The following FRMD6 variants were observed in gnomAD, a reference collection of about 807,000 sequenced individuals.
FRMD6 encodes the protein FERM domain-containing protein 6.
A neutral mutation model predicts 73.2 loss-of-function variants in FRMD6; 37 were observed. That is an observed-to-expected ratio of 0.51 (90% CI 0.39 to 0.66). The LOEUF (loss-of-function observed/expected upper bound fraction) is 0.66. FRMD6 is among the 30% of genes least tolerant of loss of function. The probability of loss-of-function intolerance (pLI) is 0.00; values close to 1 mark genes in which losing one functional copy is unlikely to be tolerated. For synonymous variants in FRMD6, 273 were observed against 282.2 expected, an observed-to-expected ratio of 0.97 and a Z score of 0.33; for missense variants, 714 against 780.5, an observed-to-expected ratio of 0.91 and a Z score of 1.02.
chr14:51,504,388 T>C (rs998508465), intron 1 of FRMD6, among the ~76,000 whole-genome samples: 64 of 152,204 alleles, frequency 4.2e-4, no homozygotes, highest in African/African-American at 1.5e-3. Context: ...TTGGGAGGTC[T>C]CACCCAGTCA....
chr14:51,592,775 T>C (rs1889470052), intron 2 of FRMD6, among the ~76,000 whole-genome samples: 1 of 152,246 alleles, frequency 6.6e-6, no homozygotes, highest in Non-Finnish European at 1.5e-5. Flanking sequence ...TTTTAATCTG[T>C]ATGTACATAT....
chr14:51,499,567 G>A (rs925870623), intron 1 of FRMD6, among the ~76,000 whole-genome samples: 5 of 152,208 alleles, frequency 3.3e-5, no homozygotes, highest in African/African-American at 7.2e-5. Context: ...CAGCAAATAA[G>A]ACGTGGAGTA....
chr14:51,431,466 T>C, the FRMD6 span, among the ~76,000 whole-genome samples: 1 of 152,238 alleles, frequency 6.6e-6, no homozygotes, highest in Non-Finnish European at 1.5e-5. Context: ...TTGAAACATT[T>C]TTGTTTACAT....
the FRMD6 span, among the ~76,000 whole-genome samples, chr14:51,428,847 G>A: frequency 2.0e-5 from 3 of 151,850 alleles, no homozygotes; most frequent in Non-Finnish European, 4.4e-5. Context: ...GTTTCTATCA[G>A]TTTCTTGAGC....
rs544882479 is a variant in FRMD6 at position 51,504,948 on chromosome 14, G to A, written c.-210+15528G>A. Reference sequence around the variant, plus strand: ...CAGCCAGCCAACAGCATGGCACAGCGCCATGCTCCTATTCCTTCTCAGGTC... The same window carrying A: ...CAGCCAGCCAACAGCATGGCACAGCACCATGCTCCTATTCCTTCTCAGGTC... On this transcript the variant is annotated intron_variant, in intron 1 of 14. Transcript: ENST00000356218. Among the ~76,000 whole-genome samples the A allele has an allele frequency of 9.8e-5, 15 of 152,302 alleles. No individual in the cohort carries two copies. The East Asian group carries it at 1.7e-3, about 18-fold the overall frequency.
chr14:51,439,389 C>A, the FRMD6 span, among the ~76,000 whole-genome samples: 1 of 152,126 alleles, frequency 6.6e-6, no homozygotes, highest in Non-Finnish European at 1.5e-5. Flanking sequence ...AAGAGATAAG[C>A]CAAAGAGACA....
At chr14:51,719,912 C>G (rs1409024162) in intron 10 of FRMD6, 143 bp from the exon 11 acceptor site, 5 of 649,054 alleles carry the variant, frequency 7.7e-6, no homozygotes, top group Non-Finnish European at 1.3e-5. Flanking sequence ...CTTCTGAAGT[C>G]AAATTCCTAT....
the FRMD6 span, among the ~76,000 whole-genome samples, chr14:51,398,149 C>T: frequency 1.3e-5 from 2 of 152,276 alleles, no homozygotes; most frequent in Admixed American, 6.5e-5. Context: ...GAAGATTTTC[C>T]TCTCAGCATT....
the FRMD6 span, among the ~76,000 whole-genome samples, chr14:51,437,649 G>A: frequency 6.6e-6 from 1 of 152,194 alleles, no homozygotes; most frequent in African/African-American, 2.4e-5. Context: ...GGAGCAAGTT[G>A]CAGTCTTCCT....
the FRMD6 span, among the ~76,000 whole-genome samples, chr14:51,478,348 C>T: frequency 3.9e-5 from 6 of 152,118 alleles, 1 homozygote; most frequent in African/African-American, 1.2e-4. Context: ...TGAAGAAAAG[C>T]GCTGGCATCA....
At chr14:51,527,770 C>A (rs1428836522) in intron 1 of FRMD6, among the ~76,000 whole-genome samples, 3 of 152,180 alleles carry the variant, frequency 2.0e-5, no homozygotes, top group African/African-American at 7.2e-5. Context: ...GGGAAGGCTG[C>A]TGTACCTTTA....
chr14:51,499,512 G>A (rs1403253694), intron 1 of FRMD6, among the ~76,000 whole-genome samples: 1 of 152,198 alleles, frequency 6.6e-6, no homozygotes, highest in African/African-American at 2.4e-5. Flanking sequence ...TTTTACAGAT[G>A]AGGAAATAAA....
chr14:51,426,204 A>G, the FRMD6 span, among the ~76,000 whole-genome samples: 4 of 152,100 alleles, frequency 2.6e-5, no homozygotes, highest in Non-Finnish European at 5.9e-5. Flanking sequence ...CGTTAGTTAT[A>G]TTCAAAAACC....
At chr14:51,522,225 T>G (rs1393803916) in intron 1 of FRMD6, among the ~76,000 whole-genome samples, 1 of 152,206 alleles carries the variant, frequency 6.6e-6, no homozygotes, top group African/African-American at 2.4e-5. Context: ...AATTCTTATG[T>G]AAAATGTCTT....
intron 2 of FRMD6, among the ~76,000 whole-genome samples, chr14:51,591,888 T>A (rs1323491078): frequency 2.0e-5 from 3 of 152,218 alleles, no homozygotes; most frequent in Non-Finnish European, 2.9e-5. Flanking sequence ...TAAGAGAGTT[T>A]AATGACAAAA....
chr14:51,560,731 G>A (rs1336776422), intron 1 of FRMD6, among the ~76,000 whole-genome samples: 1 of 152,070 alleles, frequency 6.6e-6, no homozygotes, highest in African/African-American at 2.4e-5. Flanking sequence ...TGATCCACCT[G>A]CCTCAGACTC....
At position 51,727,825 on chromosome 14, in the gene FRMD6, C is replaced by G; in HGVS notation, c.1665C>G (p.Phe555Leu). The G allele has an allele frequency of 6.2e-7, 1 of 1,614,144 alleles. No homozygotes were observed. The highest frequency in any genetic ancestry group is 8.5e-7 in the Non-Finnish European group (1 of 1,179,956). ...LDDIRLYQKD[F>L]LRIAGLCQDT... ...ACATCAGACTTTACCAGAAAGACTT[C>G]CTGCGCATTGCAGGTCTGTGTCAGG... is the stretch of plus-strand genomic sequence containing the variant. The change falls in exon 14 of 14, where the codon TTC becomes TTG. Residue 555 changes from phenylalanine to leucine, a missense_variant. By Grantham distance (22) the Phe-to-Leu change is conservative. Transcript: ENST00000344768.
the FRMD6 span, among the ~76,000 whole-genome samples, chr14:51,444,634 G>A: frequency 6.6e-6 from 1 of 152,152 alleles, no homozygotes; most frequent in East Asian, 1.9e-4. Context: ...GGCTCTGTCT[G>A]CCTTGAATGG....
upstream of FRMD6, among the ~76,000 whole-genome samples, chr14:51,487,185 A>T (rs1279800935): frequency 6.6e-6 from 1 of 152,174 alleles, no homozygotes; most frequent in Non-Finnish European, 1.5e-5. Flanking sequence ...TGTATATAGT[A>T]TCCTAAGGTC....
Sources: gnomAD v4.1 joint callset for allele counts (sites outside exome capture counted in the v4.1 genomes callset) on GRCh38, gnomAD v4.1.1 for gene constraint, MANE v1.5 for transcripts, NCBI Gene and HGNC (gene_info 2026-07-23, HGNC 2026-07-21) for gene names.